The following PLXDC2 variants were observed in gnomAD, a reference collection of about 807,000 sequenced individuals.
PLXDC2 encodes the protein plexin domain-containing protein 2.
PLXDC2 carries 40 observed loss-of-function variants against 68.9 expected under a neutral mutation model. The observed-to-expected ratio is 0.58, with a 90% CI of 0.45 to 0.76. The LOEUF (loss-of-function observed/expected upper bound fraction) is 0.76. Among genes scored for constraint, PLXDC2 ranks in the 30% least tolerant of loss-of-function variants. PLXDC2 has a pLI of 0.00. For missense variants in PLXDC2, 644 were observed against 661.9 expected, an observed-to-expected ratio of 0.97 and a Z score of 0.30; for synonymous variants, 243 against 234.2, an observed-to-expected ratio of 1.04 and a Z score of -0.34.
At chr10:20,069,437 G>A (rs1029806309) in intron 4 of PLXDC2, among the ~76,000 whole-genome samples, 7 of 152,030 alleles carry the variant, frequency 4.6e-5, no homozygotes, top group Non-Finnish European at 8.8e-5. Flanking sequence ...TGGGAGGATC[G>A]CTTGAGCCCA....
chr10:20,117,751 T>C (rs574468557), intron 4 of PLXDC2, among the ~76,000 whole-genome samples: 2 of 152,346 alleles, frequency 1.3e-5, no homozygotes, highest in South Asian at 4.1e-4. Flanking sequence ...ATTGCAGTGC[T>C]TCCTAAAATA....
chr10:19,826,690 T>C (rs896171914), intron 1 of PLXDC2, among the ~76,000 whole-genome samples: 1 of 152,240 alleles, frequency 6.6e-6, no homozygotes, highest in Non-Finnish European at 1.5e-5. Flanking sequence ...TGTACAGTTG[T>C]ACCTACTTTG....
At chr10:20,082,045 G>GAT (rs1836569226) in intron 4 of PLXDC2, among the ~76,000 whole-genome samples, 1 of 9,614 alleles carries the variant, frequency 1.0e-4, no homozygotes, top group Non-Finnish European at 1.6e-4. Flanking sequence ...AACTCCATCT[G>GAT]AAAAAAAAAA....
At chr10:20,084,804 A>G (rs557121090) in intron 4 of PLXDC2, among the ~76,000 whole-genome samples, 1 of 151,662 alleles carries the variant, frequency 6.6e-6, no homozygotes, top group Non-Finnish European at 1.5e-5. Context: ...CCTCTATCTT[A>G]TATTTGGTCA....
chr10:19,926,997 C>T (rs919083966), intron 1 of PLXDC2, among the ~76,000 whole-genome samples: 5 of 152,118 alleles, frequency 3.3e-5, no homozygotes, highest in African/African-American at 4.8e-5. Flanking sequence ...TGTTTGAGCC[C>T]CAGAGTCATC....
intron 1 of PLXDC2, among the ~76,000 whole-genome samples, chr10:19,916,766 T>C (rs916006816): frequency 6.6e-6 from 1 of 152,170 alleles, no homozygotes; most frequent in African/African-American, 2.4e-5. Flanking sequence ...GTACAATACC[T>C]GGCACCTATT....
intron 4 of PLXDC2, among the ~76,000 whole-genome samples, chr10:20,138,509 T>C (rs1238624455): frequency 6.6e-6 from 1 of 152,266 alleles, no homozygotes; most frequent in Non-Finnish European, 1.5e-5. Flanking sequence ...ATACTACCCA[T>C]GTGGCTTTAG....
chr10:19,972,440 C>G (rs1024829859), intron 1 of PLXDC2, among the ~76,000 whole-genome samples: 1 of 152,216 alleles, frequency 6.6e-6, no homozygotes, highest in Admixed American at 6.5e-5. Context: ...CCAGAGTCTA[C>G]TTGAGGGTGA....
chr10:19,984,494 C>G (rs573695239), intron 1 of PLXDC2, among the ~76,000 whole-genome samples: 8 of 152,282 alleles, frequency 5.3e-5, no homozygotes, highest in Non-Finnish European at 8.8e-5. Context: ...TTTTGCTTTT[C>G]CTCTGGGGAA....
intron 2 of PLXDC2, among the ~76,000 whole-genome samples, chr10:20,015,299 G>C (rs1024906132): frequency 6.6e-6 from 1 of 150,756 alleles, no homozygotes; most frequent in Admixed American, 6.6e-5. Flanking sequence ...ATACTAAAGT[G>C]TTTTTTTTTC....
In PLXDC2 at chr10:20,143,293, A is replaced by C. The variant is rs751781962; in HGVS notation, c.542-2A>C. 2 of 1,604,102 alleles carry C rather than the reference A, an allele frequency of 1.2e-6. No homozygotes were observed. The stretch of plus-strand genomic sequence containing the variant: ...ATATGTTTCCTATTTTTCTAATTCT[A>C]GGTTTCATATACACTGGAGAAGTCG... On this transcript the variant is annotated splice_acceptor_variant, in intron 4 of 13. Coordinates refer to ENST00000377252, the MANE Select transcript of PLXDC2 (RefSeq NM_032812.9). LOFTEE classifies it high-confidence loss of function.
intron 1 of PLXDC2, among the ~76,000 whole-genome samples, chr10:19,853,482 C>T (rs1173872599): frequency 6.6e-6 from 1 of 151,586 alleles, no homozygotes; most frequent in Admixed American, 6.6e-5. Flanking sequence ...TATTGAACTC[C>T]TGGTCTCAAG....
chr10:20,268,694 A>T (rs1471266709), intron 13 of PLXDC2, among the ~76,000 whole-genome samples: 2 of 152,206 alleles, frequency 1.3e-5, no homozygotes, highest in Admixed American at 1.3e-4. Flanking sequence ...GGCACTCCAG[A>T]CACAAGTAAC....
rs1554766429 is a variant in PLXDC2 at position 20,098,381 on chromosome 10, G to GTGTA, written c.541+30151_541+30154dup. Among the ~76,000 whole-genome samples the GTGTA allele has an allele frequency of 3.3e-5, 5 of 151,660 alleles. No individual in the cohort carries two copies. In the East Asian group the frequency reaches 5.8e-4, roughly 18 times the overall value. ...TATGTGTGTGTGTGTGTGTGTGTGT[G>GTGTA]TGTATGTATGTAATCTCCCATCTCC... On this transcript the variant is annotated intron_variant, in intron 4 of 13. Coordinates refer to ENST00000377252, the MANE Select transcript of PLXDC2 (RefSeq NM_032812.9).
chr10:20,093,419 C>T (rs535493174), intron 4 of PLXDC2, among the ~76,000 whole-genome samples: 1 of 152,000 alleles, frequency 6.6e-6, no homozygotes, highest in Non-Finnish European at 1.5e-5. Context: ...AATGGGCCAG[C>T]CATTGGCAAA....
chr10:19,981,535 T>G (rs1461795151), intron 1 of PLXDC2, among the ~76,000 whole-genome samples: 3 of 152,148 alleles, frequency 2.0e-5, no homozygotes, highest in Non-Finnish European at 4.4e-5. Flanking sequence ...CAGAAGGAGA[T>G]CTCTGGGACT....
intron 3 of PLXDC2, among the ~76,000 whole-genome samples, chr10:20,056,250 C>G (rs910996507): frequency 6.6e-6 from 1 of 152,178 alleles, no homozygotes; most frequent in South Asian, 2.1e-4. Context: ...ACTTACCAAA[C>G]TAGAGGTTAA....
At chr10:20,211,243 T>C (rs1328014378) in intron 9 of PLXDC2, among the ~76,000 whole-genome samples, 1 of 151,960 alleles carries the variant, frequency 6.6e-6, no homozygotes, top group Non-Finnish European at 1.5e-5. Flanking sequence ...CTTGAATGAA[T>C]GAGTAAAATG....
chr10:20,026,508 ACTTTTAG>A (rs761762995), intron 2 of PLXDC2, among the ~76,000 whole-genome samples: 30 of 152,194 alleles, frequency 2.0e-4, no homozygotes, highest in Non-Finnish European at 3.8e-4. Context: ...AAGTGGTTCA[ACTTTTAG>A]CTTTTTAAGG....
Sources: allele counts gnomAD v4.1 joint callset (sites outside exome capture counted in the v4.1 genomes callset), GRCh38; gene constraint gnomAD v4.1.1; transcripts MANE v1.5; gene names NCBI Gene and HGNC (gene_info 2026-07-23, HGNC 2026-07-21).